TNS4: variants seen among roughly 807,000 people sequenced by gnomAD.
TNS4 encodes the protein tensin 4.
In TNS4, 46 loss-of-function variants were observed where a neutral mutation model predicts 70.4. The ratio of observed to expected loss-of-function variants is 0.65; its 90% CI spans 0.52 to 0.84. The LOEUF (loss-of-function observed/expected upper bound fraction) is 0.84. Ranked by LOEUF, TNS4 falls within the 40% of genes least tolerant of loss-of-function variation. The pLI is 0.00. For synonymous variants in TNS4, 390 were observed against 366.6 expected (o/e 1.06, Z -0.73); for missense variants, 863 against 907.0 (o/e 0.95, Z 0.62).
At chr17:40,478,180 G>T in intron 12 of TNS4, 127 bp downstream of exon 12, 2 of 1,232,926 alleles carry the variant, frequency 1.6e-6, no homozygotes, top group African/African-American at 1.5e-5. Context: ...TCAGATGGGA[G>T]CTCCCTGAGG....
chr17:40,499,886 C>A (rs755971958), intron 1 of TNS4, among the ~76,000 whole-genome samples: 1 of 152,176 alleles, frequency 6.6e-6, no homozygotes, highest in Non-Finnish European at 1.5e-5. Context: ...CTGGGTGTCC[C>A]CTCGCAACCA....
chr17:40,482,228 T>G (rs1268589253), intron 7 of TNS4, 22 bp from the exon 8 acceptor site: 3 of 1,614,008 alleles, frequency 1.9e-6, no homozygotes, highest in Non-Finnish European at 2.5e-6. Context: ...CAAGCAGCCC[T>G]GCATGAGTAG....
chr17:40,481,529 T>C (rs1469361490), intron 8 of TNS4, among the ~76,000 whole-genome samples: 2 of 152,012 alleles, frequency 1.3e-5, no homozygotes, highest in African/African-American at 4.8e-5. Context: ...CACGCCCAGC[T>C]AAATTTTTGT....
chr17:40,481,402 T>A (rs1007324949), intron 8 of TNS4, among the ~76,000 whole-genome samples: 2 of 152,198 alleles, frequency 1.3e-5, no homozygotes, highest in African/African-American at 4.8e-5. Context: ...TGTCGCTCTG[T>A]CACCCAGGCT....
chr17:40,477,724 A>C lies in TNS4; in HGVS notation c.2012T>G (p.Phe671Cys), dbSNP rs2035866819. Residue 671 changes from phenylalanine to cysteine, a missense_variant, in exon 13 of 13, where the codon TTT becomes TGT. Phe to Cys is a radical substitution (Grantham distance 205). Transcript: ENST00000254051. Reference protein sequence around the residue: ...WQKYCKPSWIFGFVAKSQTEP... With the variant: ...WQKYCKPSWICGFVAKSQTEP... The stretch of plus-strand genomic sequence containing the variant: ...TGTCTGGCTCTTGGCCACAAACCCA[A>C]AGATCCTGGTGGGGGAGGGCAGTCT... 1.2e-6 allele frequency: 2 copies of C among 1,613,694 alleles called. No individual in the cohort carries two copies. Among genetic ancestry groups the C allele is most frequent in the Non-Finnish European group, 1.7e-6 (2 of 1,179,892 alleles).
chr17:40,488,487 G>C (rs1448307538), intron 3 of TNS4, 59 bp downstream of exon 3: 2 of 1,405,232 alleles, frequency 1.4e-6, no homozygotes, highest in African/African-American at 1.4e-5. Context: ...GATTTTAGGG[G>C]GTGCATGCGT....
rs79612385 is a variant in TNS4, at chr17:40,481,170, C to T, written c.1673-402G>A. 4.0e-4 allele frequency among the ~76,000 whole-genome samples: 61 copies of T among 152,234 alleles called. 1 individual carries two copies. In the East Asian group the frequency reaches 9.7e-3, roughly 24 times the overall value. On this transcript the variant is annotated intron_variant, in intron 8 of 12. Coordinates refer to ENST00000254051, the MANE Select transcript of TNS4 (RefSeq NM_032865.6). ...ATGCCCTTCCAGAAACAGCCCTTCT[C>T]GAGCTTCTCCTGCACACCCCTGAGA...
intron 10 of TNS4, among the ~76,000 whole-genome samples, 157 bp from the exon 11 acceptor site, chr17:40,478,805 GC>G (rs2035884213): frequency 6.6e-6 from 1 of 152,190 alleles, no homozygotes; most frequent in African/African-American, 2.4e-5. Flanking sequence ...CCACTGGGGG[GC>G]CCTGGCGCCC....
intron 2 of TNS4, among the ~76,000 whole-genome samples, chr17:40,495,750 A>G (rs138253575): frequency 8.5e-5 from 13 of 152,304 alleles, no homozygotes; most frequent in African/African-American, 3.1e-4. Flanking sequence ...ATAAAATCAT[A>G]GAAAATCAGT....
At chr17:40,496,708 T>G (rs933305683) in intron 1 of TNS4, among the ~76,000 whole-genome samples, 188 bp from the exon 2 acceptor site, 1 of 152,238 alleles carries the variant, frequency 6.6e-6, no homozygotes, top group Non-Finnish European at 1.5e-5. Flanking sequence ...TTGACTTCTC[T>G]GTGCCTCAGT....
chr17:40,490,594 A>T (rs968400163), intron 2 of TNS4, among the ~76,000 whole-genome samples: 1 of 152,132 alleles, frequency 6.6e-6, no homozygotes, highest in African/African-American at 2.4e-5. Flanking sequence ...GGGTAGGGCC[A>T]TCTGGCCCTG....
chr17:40,478,888 C>T (rs1308803716), intron 10 of TNS4, among the ~76,000 whole-genome samples: 1 of 152,186 alleles, frequency 6.6e-6, no homozygotes, highest in Non-Finnish European at 1.5e-5. Context: ...TATCACACCC[C>T]TACCACGCCA....
chr17:40,496,318 C>G lies in TNS4; in HGVS notation c.108G>C (p.Leu36=). 6.2e-7 allele frequency: 1 copy of G among 1,613,556 alleles called. No individual in the cohort carries two copies. The highest frequency in any genetic ancestry group is 8.5e-7 in the Non-Finnish European group (1 of 1,179,820). ...RTLHPAPSPS[L]PPQCSYYTTE... ...TGGTGTAGTAAGAACACTGGGGTGG[C>G]AGGCTGGGGCTGGGTGCTGGGTGCA... is the stretch of plus-strand genomic sequence containing the variant. The change falls in exon 2 of 13, where the codon CTG becomes CTC. Residue 36 remains leucine (L), a synonymous_variant. Coordinates refer to ENST00000254051, the MANE Select transcript of TNS4 (RefSeq NM_032865.6).
intron 10 of TNS4, among the ~76,000 whole-genome samples, chr17:40,479,347 A>G (rs543720828): frequency 2.8e-4 from 42 of 152,220 alleles, no homozygotes; most frequent in African/African-American, 9.6e-4. Flanking sequence ...GGGTTTCATC[A>G]TGTTGACCAG....
Position 40,487,152 on chromosome 17 carries a change from G to C in TNS4, c.1172C>G (p.Thr391Ser). ...TTGAACGGAGTTCTGGTGTCCTGGG[G>C]TCCGCTGGGGTGGAGAAGACCCTGG... ...PEPGSSPPQRTPGHQNSVQPG... is the reference protein window; with the variant it reads ...PEPGSSPPQRSPGHQNSVQPG... The change falls in exon 4 of 13, where the codon ACC (threonine) becomes AGC (serine). Residue 391 changes from threonine (T) to serine (S), a missense_variant. Transcript: ENST00000254051. 6.2e-7 allele frequency: 1 copy of C among 1,614,224 alleles called. No homozygotes were observed. The highest frequency in any genetic ancestry group is 8.5e-7 in the Non-Finnish European group (1 of 1,180,038).
At chr17:40,482,482 G>A (rs1162251263) in intron 6 of TNS4, 66 bp from the exon 7 acceptor site, 13 of 1,512,752 alleles carry the variant, frequency 8.6e-6, no homozygotes, top group South Asian at 2.3e-5. Context: ...GGTGGCTCAC[G>A]CCTGTAATCC....
intron 1 of TNS4, among the ~76,000 whole-genome samples, chr17:40,500,215 G>T (rs1374851605): frequency 6.6e-6 from 1 of 152,152 alleles, no homozygotes; most frequent in Non-Finnish European, 1.5e-5. Flanking sequence ...CCTGTCCACC[G>T]CTGCCCCTTC....
At position 40,482,314 on chromosome 17, in the gene TNS4, G is replaced by A. The variant is rs2035932512; in HGVS notation, c.1594+10C>T. On this transcript the variant is annotated intron_variant, in intron 7 of 12. Transcript: ENST00000254051. ...CATCCCGGGGGAGCCTGGAGGCTGG[G>A]GAGTCTCACCAAAGTAGGGCTCCTC... 2 of 1,613,982 alleles carry A rather than the reference G, an allele frequency of 1.2e-6. No individual in the cohort carries two copies. Among genetic ancestry groups the A allele is most frequent in the African/African-American group, 2.7e-5 (2 of 74,912 alleles).
In TNS4 at chr17:40,478,584, G is replaced by A. The variant is rs368737342; in HGVS notation, c.1975C>T (p.Arg659Trp). The A allele has an allele frequency of 1.2e-5, 20 of 1,614,024 alleles. No homozygotes were observed. The highest frequency in any genetic ancestry group is 4.0e-5 in the African/African-American group (3 of 74,938). ...TTGGCCCAGCCTTGAACTTACTTCC[G>A]TTGCTCAGGGTCCATACCACAGAAG... ...LRFCGMDPEQ[R>W]KWQKYCKPSW... is the part of the protein sequence containing the mutation. The change falls in exon 11 of 13, where the codon CGG becomes TGG. Residue 659 changes from arginine to tryptophan, a missense_variant. Coordinates refer to ENST00000254051, the MANE Select transcript of TNS4 (RefSeq NM_032865.6).
Sources: gnomAD v4.1 joint callset for allele counts (sites outside exome capture counted in the v4.1 genomes callset) on GRCh38, gnomAD v4.1.1 for gene constraint, MANE v1.5 for transcripts, NCBI Gene and HGNC (gene_info 2026-07-23, HGNC 2026-07-21) for gene names.